TMEM63C: variants seen among roughly 807,000 people sequenced by gnomAD.
TMEM63C encodes transmembrane protein 63C.
Under a neutral mutation model 99.2 loss-of-function variants are expected in TMEM63C, and 32 were observed. The ratio of observed to expected loss-of-function variants is 0.32; its 90% CI spans 0.24 to 0.43. TMEM63C has a LOEUF of 0.43. Ranked by LOEUF, TMEM63C falls within the 20% of genes least tolerant of loss-of-function variation. TMEM63C has a pLI of 1.00. For missense variants in TMEM63C, 826 were observed against 1,053.0 expected, an observed-to-expected ratio of 0.78 and a Z score of 2.98; for synonymous variants, 376 against 397.9, an observed-to-expected ratio of 0.94 and a Z score of 0.66.
rs1182661590 is a variant in TMEM63C at position 77,218,915 on chromosome 14, C to T, written c.102C>T (p.Pro34=). The part of the protein sequence containing the change: ...QSRNTVLQGQ[P]FGGVPTVLCL... The stretch of plus-strand genomic sequence containing the variant: ...GGAACACCGTCCTCCAGGGGCAGCC[C>T]TTTGGGGGTGTCCCCACCGTGCTGT... Residue 34 remains proline, a synonymous_variant, in exon 3 of 24, where the codon CCC becomes CCT. Coordinates refer to ENST00000298351, the MANE Select transcript of TMEM63C (RefSeq NM_020431.4). 6.2e-7 allele frequency: 1 copy of T among 1,610,502 alleles called. No homozygotes were observed.
intron 16 of TMEM63C, among the ~76,000 whole-genome samples, chr14:77,245,433 A>T (rs1889253068): frequency 6.6e-6 from 1 of 152,260 alleles, no homozygotes; most frequent in Non-Finnish European, 1.5e-5. Flanking sequence ...ACTGCTGATA[A>T]AGACATACCC....
Position 77,248,440 on chromosome 14 carries a change from G to A in TMEM63C, c.1695G>A (p.Gly565=). The A allele has an allele frequency of 1.3e-6, 2 of 1,584,820 alleles. No homozygotes were observed. The highest frequency in any genetic ancestry group is 4.6e-5 in the East Asian group (2 of 43,044). ...LGTGMELLRL[G]SLFCYSTRLF... is the part of the protein sequence containing the mutation. ...CAGGCATGGAGCTGCTGCGTCTGGG[G>A]TCACTCTTCTGCTACAGCACCCGCC... Residue 565 remains glycine (G), a synonymous_variant, in exon 19 of 24, where the codon GGG becomes GGA. Transcript: ENST00000298351.
At chr14:77,208,493 C>A (rs1008764210) in intron 1 of TMEM63C, among the ~76,000 whole-genome samples, 6 of 152,204 alleles carry the variant, frequency 3.9e-5, no homozygotes, top group African/African-American at 1.4e-4. Context: ...CCAGGGAGAT[C>A]GCCTCCTCCT....
intron 1 of TMEM63C, among the ~76,000 whole-genome samples, chr14:77,192,656 G>A (rs1888130186): frequency 6.6e-6 from 1 of 152,140 alleles, no homozygotes; most frequent in African/African-American, 2.4e-5. Context: ...CAGCTACTCG[G>A]GAGGCTGAGG....
chr14:77,220,036 C>A lies in TMEM63C; in HGVS notation c.261C>A (p.Ser87Arg). ...CCTCGCTGATCTATGGGGAGCAGAGCGAGAAGACATCTCCCTCGGAGACTT... is the reference window on the plus strand; with the variant it reads ...CCTCGCTGATCTATGGGGAGCAGAGAGAGAAGACATCTCCCTCGGAGACTT... ...SLTSLIYGEQ[S>R]EKTSPSETSL... is the part of the protein sequence containing the mutation. The change falls in exon 5 of 24, where the codon AGC (serine) becomes AGA (arginine). Residue 87 changes from serine to arginine, a missense_variant. Physicochemically the swap from Ser to Arg is moderately radical, Grantham distance 110. Coordinates refer to ENST00000298351, the MANE Select transcript of TMEM63C (RefSeq NM_020431.4). The A allele has an allele frequency of 6.4e-7, 1 of 1,562,226 alleles. No individual in the cohort carries two copies. The highest frequency in any genetic ancestry group is 8.7e-7 in the Non-Finnish European group (1 of 1,153,086).
intron 1 of TMEM63C, among the ~76,000 whole-genome samples, chr14:77,187,345 C>T (rs1251731037): frequency 6.6e-6 from 1 of 152,232 alleles, no homozygotes; most frequent in Non-Finnish European, 1.5e-5. Flanking sequence ...CCTTCCCCTC[C>T]ACTCTGGGCA....
At chr14:77,204,146 A>G (rs2655997) in intron 1 of TMEM63C, among the ~76,000 whole-genome samples, 72,159 of 152,172 alleles carry the variant, frequency 0.47, 17,807 homozygotes, top group East Asian at 0.68. Flanking sequence ...CCACGGAGAC[A>G]AGAATTGCAG....
chr14:77,203,397 A>G (rs1307244484), intron 1 of TMEM63C, among the ~76,000 whole-genome samples: 2 of 151,932 alleles, frequency 1.3e-5, no homozygotes, highest in Admixed American at 1.3e-4. Flanking sequence ...AAAAAAAAAA[A>G]AAAACAATAA....
At chr14:77,239,831 T>G in intron 12 of TMEM63C, 105 bp downstream of exon 12, 1 of 1,444,252 alleles carries the variant, frequency 6.9e-7, no homozygotes, top group Non-Finnish European at 9.3e-7. Flanking sequence ...CTCACTCAGG[T>G]CTGCTCTAGT....
At chr14:77,222,690 G>T (rs72728998) in intron 5 of TMEM63C, among the ~76,000 whole-genome samples, 60,271 of 151,902 alleles carry the variant, frequency 0.4, 14,108 homozygotes, top group Admixed American at 0.54. Context: ...CCTTTCCCAG[G>T]CTCTTCCCTC....
chr14:77,242,612 C>G, intron 14 of TMEM63C, 143 bp downstream of exon 14: 1 of 1,206,696 alleles, frequency 8.3e-7, no homozygotes, highest in South Asian at 1.4e-5. Context: ...GCACCACAAC[C>G]TGTGTGTATG....
intron 1 of TMEM63C, among the ~76,000 whole-genome samples, chr14:77,195,875 G>A (rs1888205215): frequency 6.6e-6 from 1 of 152,224 alleles, no homozygotes; most frequent in Non-Finnish European, 1.5e-5. Context: ...CAGGCTGGGG[G>A]TCATGGATGC....
intron 23 of TMEM63C, among the ~76,000 whole-genome samples, chr14:77,254,264 T>G (rs1889425407): frequency 6.6e-6 from 1 of 152,118 alleles, no homozygotes; most frequent in Non-Finnish European, 1.5e-5. Context: ...CAGGGCCCTA[T>G]GGGAGACAAG....
At chr14:77,225,294 CTT>C (rs1888796288) in intron 5 of TMEM63C, 128 bp from the exon 6 acceptor site, 2 of 656,178 alleles carry the variant, frequency 3.0e-6, no homozygotes, top group Non-Finnish European at 4.8e-6. Context: ...CCTTCAGACT[CTT>C]TTTCCCAGGA....
intron 13 of TMEM63C, among the ~76,000 whole-genome samples, chr14:77,240,952 TTTTTTTTTTTC>T: frequency 6.8e-6 from 1 of 147,260 alleles, no homozygotes; most frequent in Non-Finnish European, 1.5e-5. Context: ...TTTTTCTTTT[TTTTTTTTTTTC>T]TTTTTTTGAG....
intron 2 of TMEM63C, among the ~76,000 whole-genome samples, chr14:77,216,225 T>C (rs1052171354): frequency 3.9e-5 from 6 of 152,114 alleles, no homozygotes; most frequent in African/African-American, 1.4e-4. Flanking sequence ...AAACATTGTC[T>C]TCATTCAACC....
chr14:77,246,726 G>A, intron 18 of TMEM63C, 52 bp downstream of exon 18: 5 of 1,488,470 alleles, frequency 3.4e-6, no homozygotes, highest in Non-Finnish European at 4.7e-6. Context: ...CACAGGAGTG[G>A]TTATATGTGC....
intron 2 of TMEM63C, among the ~76,000 whole-genome samples, chr14:77,217,017 G>A (rs748129297): frequency 7.2e-5 from 11 of 152,052 alleles, no homozygotes; most frequent in Non-Finnish European, 1.0e-4. Context: ...AAAATTTTAA[G>A]AATTAGCCTG....
chr14:77,256,913 G>C lies in TMEM63C; in HGVS notation c.*187G>C. 1.6e-6 allele frequency: 1 copy of C among 612,942 alleles called. No individual in the cohort carries two copies. Among genetic ancestry groups the C allele is most frequent in the Non-Finnish European group, 2.9e-6 (1 of 350,832 alleles). The allele number at this position is 612,942 out of a possible 1,614,324, so 38.0% of individuals were successfully genotyped here. On this transcript the variant is annotated 3_prime_UTR_variant, in exon 24 of 24. Coordinates refer to ENST00000298351, the MANE Select transcript of TMEM63C (RefSeq NM_020431.4). ...CTGACCTGCTGCCCGGCTGGAACTG[G>C]GGGTGCTCGGCAGTGCTGAAGGAGC...
Sources: allele counts gnomAD v4.1 joint callset (sites outside exome capture counted in the v4.1 genomes callset), GRCh38; gene constraint gnomAD v4.1.1; transcripts MANE v1.5; gene names NCBI Gene and HGNC (gene_info 2026-07-23, HGNC 2026-07-21).